The following GOLIM4 variants were observed in gnomAD, a reference collection of about 807,000 sequenced individuals.
GOLIM4 encodes golgi integral membrane protein 4.
Under a neutral mutation model 107.4 loss-of-function variants are expected in GOLIM4, and 71 were observed. The observed-to-expected ratio is 0.66, with a 90% CI of 0.55 to 0.81. The LOEUF (loss-of-function observed/expected upper bound fraction) is 0.81, where lower values mean the gene tolerates loss of function less well. Among genes scored for constraint, GOLIM4 ranks in the 30% least tolerant of loss-of-function variants. The pLI is 0.00. For synonymous variants in GOLIM4, 327 were observed against 294.8 expected (o/e 1.11, Z -1.12); for missense variants, 830 against 826.1 (o/e 1.00, Z -0.06).
At chr3:168,053,513 A>G (rs562064537) in intron 1 of GOLIM4, among the ~76,000 whole-genome samples, 2 of 152,390 alleles carry the variant, frequency 1.3e-5, no homozygotes, top group East Asian at 3.9e-4. Flanking sequence ...CAAAAATTAA[A>G]ATGAACAAAG....
chr3:168,093,924 G>C (rs1313248290), intron 1 of GOLIM4, among the ~76,000 whole-genome samples: 1 of 152,196 alleles, frequency 6.6e-6, no homozygotes, highest in Admixed American at 6.5e-5. Flanking sequence ...AGAGGCATCT[G>C]TTTCATATCT....
intron 1 of GOLIM4, among the ~76,000 whole-genome samples, chr3:168,064,486 G>A (rs1006182077): frequency 6.6e-6 from 1 of 152,122 alleles, no homozygotes; most frequent in Admixed American, 6.5e-5. Context: ...TATAAGAAGA[G>A]TTGAATTTGA....
At chr3:168,030,156 G>T in intron 9 of GOLIM4, 120 bp from the exon 10 acceptor site, 1 of 957,336 alleles carries the variant, frequency 1.0e-6, no homozygotes, top group Non-Finnish European at 1.5e-6. Context: ...TATTTGTCAG[G>T]TGAACTGTGA....
Position 168,027,775 on chromosome 3 carries a change from G to C in GOLIM4, c.1576C>G (p.Pro526Ala), listed in dbSNP as rs777309117. The C allele has an allele frequency of 3.6e-5, 58 of 1,613,428 alleles. No homozygotes were observed. Among genetic ancestry groups the C allele is most frequent in the Non-Finnish European group, 4.9e-5 (58 of 1,179,508 alleles). The change falls in exon 12 of 16, where the codon CCT becomes GCT. Residue 526 changes from proline to alanine, a missense_variant. Transcript: ENST00000470487. ...GCTTCTCGGGGTCCTTGTTCACGAGGCTCATGTCTATTACCTGGATCTCCT... is the reference window on the plus strand; with the variant it reads ...GCTTCTCGGGGTCCTTGTTCACGAGCCTCATGTCTATTACCTGGATCTCCT... ...AEGDPGNRHE[P>A]REQGPREADP...
At chr3:168,069,472 T>C (rs79547652) in intron 1 of GOLIM4, among the ~76,000 whole-genome samples, 1,810 of 152,306 alleles carry the variant, frequency 0.012, 18 homozygotes, top group Middle Eastern at 0.02. Context: ...AAACAAGAAG[T>C]TTCTTTAATT....
chr3:168,057,291 T>C (rs1323126008), intron 1 of GOLIM4, among the ~76,000 whole-genome samples: 1 of 152,208 alleles, frequency 6.6e-6, no homozygotes, highest in Non-Finnish European at 1.5e-5. Flanking sequence ...CTTGGGTATG[T>C]CTTTATCAGC....
intron 1 of GOLIM4, among the ~76,000 whole-genome samples, chr3:168,071,143 A>G (rs114044727): frequency 2.9e-3 from 446 of 152,268 alleles, no homozygotes; most frequent in Non-Finnish European, 4.9e-3. Context: ...CTCGCATCCC[A>G]TCGTCAGTGA....
rs374864406 is a variant in GOLIM4 at position 168,024,528 on chromosome 3, C to A, written c.1858G>T (p.Glu620Ter). The A allele has an allele frequency of 1.2e-6, 2 of 1,604,098 alleles. No homozygotes were observed. The change falls in exon 14 of 16, where the codon GAG becomes TAG. Residue 620 changes from glutamate to a stop codon, truncating the protein, a stop_gained and splice_region_variant. Transcript: ENST00000470487. LOFTEE classifies it high-confidence loss of function. ...CTCTGGGATTCAATCCTTACTACCTCCTCTTCTGCCTCTTCCTGGTACTGT... is the reference window on the plus strand; with the variant it reads ...CTCTGGGATTCAATCCTTACTACCTACTCTTCTGCCTCTTCCTGGTACTGT... ...DEQYQEEAEE[E>*]VQEDLTEEKK...
At chr3:168,028,176 T>C (rs1450278080) in intron 11 of GOLIM4, among the ~76,000 whole-genome samples, 1 of 152,176 alleles carries the variant, frequency 6.6e-6, no homozygotes, top group African/African-American at 2.4e-5. Flanking sequence ...AGAAATCAAC[T>C]AATGTTTGAT....
At chr3:168,020,576 G>A (rs2108215862) in intron 14 of GOLIM4, among the ~76,000 whole-genome samples, 1 of 152,348 alleles carries the variant, frequency 6.6e-6, no homozygotes, top group Non-Finnish European at 1.5e-5. Context: ...AGTAATGGAT[G>A]CTAGGTTATC....
In GOLIM4 at chr3:168,077,504, C is replaced by A. The variant is rs1045422061; in HGVS notation, c.187+17595G>T. Among the ~76,000 whole-genome samples, 5 of 152,282 alleles carry A rather than the reference C, an allele frequency of 3.3e-5. No homozygotes were observed. The East Asian group carries it at 9.7e-4, about 29-fold the overall frequency. On this transcript the variant is annotated intron_variant, in intron 1 of 15. Coordinates refer to ENST00000470487, the MANE Select transcript of GOLIM4 (RefSeq NM_014498.5). The stretch of plus-strand genomic sequence containing the variant: ...CCAGGCCCAGGCAAATCAGCCCCAG[C>A]CAAGCCCTGCCCACCATCACCAAAC...
Position 168,071,180 on chromosome 3 carries a change from G to T in GOLIM4, c.188-22815C>A, listed in dbSNP as rs75148039. ...TTTTAACCTCTTGGCATGCATGGAG[G>T]AAAGGGGAGTCATGCTAAAGTAGAG... On this transcript the variant is annotated intron_variant, in intron 1 of 15. Transcript: ENST00000470487. Among the ~76,000 whole-genome samples the T allele has an allele frequency of 4.0e-3, 609 of 152,312 alleles. 7 individuals are homozygous for T. The highest frequency in any genetic ancestry group is 0.014 in the African/African-American group (587 of 41,566).
intron 14 of GOLIM4, among the ~76,000 whole-genome samples, chr3:168,019,288 C>T (rs1717550280): frequency 6.6e-6 from 1 of 152,190 alleles, no homozygotes; most frequent in South Asian, 2.1e-4. Flanking sequence ...ATTGCCACAC[C>T]TGCATCATCT....
At chr3:168,079,748 A>G (rs542746953) in intron 1 of GOLIM4, among the ~76,000 whole-genome samples, 24 of 152,302 alleles carry the variant, frequency 1.6e-4, no homozygotes, top group Middle Eastern at 3.4e-3. Flanking sequence ...AGAACTCAAT[A>G]TATTAAATGT....
chr3:168,058,145 T>C (rs1720078717), intron 1 of GOLIM4, among the ~76,000 whole-genome samples: 1 of 152,196 alleles, frequency 6.6e-6, no homozygotes, highest in Admixed American at 6.5e-5. Context: ...GCAATTGCAG[T>C]ATTTTTTTAC....
intron 4 of GOLIM4, among the ~76,000 whole-genome samples, chr3:168,044,139 G>C (rs972210990): frequency 6.6e-6 from 1 of 152,186 alleles, no homozygotes; most frequent in Non-Finnish European, 1.5e-5. Context: ...TTCATTTACT[G>C]CTCTCTTGAT....
rs757356596 is a variant in GOLIM4 at position 168,029,824 on chromosome 3, C to G, written c.1389G>C (p.Gln463His). Residue 463 changes from glutamine to histidine, a missense_variant, in exon 10 of 16, where the codon CAG (glutamine) becomes CAC (histidine). Transcript: ENST00000470487. ...QVAREMALQR[Q>H]AELEEGRPQH... ...GCGGCCGGCCCTCCTCAAGCTCAGC[C>G]TGCCTCTGCAGGGCCATCTCTCTTG... 6.2e-7 allele frequency: 1 copy of G among 1,614,002 alleles called. No individual in the cohort carries two copies. Among genetic ancestry groups the G allele is most frequent in the Non-Finnish European group, 8.5e-7 (1 of 1,180,044 alleles).
chr3:168,030,114 A>G, intron 9 of GOLIM4, 78 bp from the exon 10 acceptor site: 1 of 1,392,310 alleles, frequency 7.2e-7, no homozygotes, highest in Non-Finnish European at 1.0e-6. Flanking sequence ...TCTCCTGACA[A>G]ACTCAGGAGG....
At chr3:168,070,362 C>T (rs1028103959) in intron 1 of GOLIM4, among the ~76,000 whole-genome samples, 1 of 152,210 alleles carries the variant, frequency 6.6e-6, no homozygotes, top group Non-Finnish European at 1.5e-5. Flanking sequence ...CACTGCACTC[C>T]AGCCTGGGCA....
Sources: gnomAD v4.1 joint callset for allele counts (sites outside exome capture counted in the v4.1 genomes callset) on GRCh38, gnomAD v4.1.1 for gene constraint, MANE v1.5 for transcripts, NCBI Gene and HGNC (gene_info 2026-07-23, HGNC 2026-07-21) for gene names.